The following ADAMTSL1 variants were observed in gnomAD, a reference collection of about 807,000 sequenced individuals.
ADAMTSL1 encodes the protein ADAMTS like 1.
Under a neutral mutation model 201.8 loss-of-function variants are expected in ADAMTSL1, and 126 were observed. The observed-to-expected ratio is 0.62, with a 90% CI of 0.54 to 0.72. The LOEUF is 0.72. ADAMTSL1 is among the 30% of genes least tolerant of loss of function. The pLI is 0.00. For missense variants in ADAMTSL1, 2,679 were observed against 2,277.8 expected (o/e 1.18, Z -3.59); for synonymous variants, 1,121 against 903.4 (o/e 1.24, Z -4.32).
intron 2 of ADAMTSL1, among the ~76,000 whole-genome samples, chr9:18,331,409 C>T (rs1292046180): frequency 6.6e-6 from 1 of 152,198 alleles, no homozygotes; most frequent in Non-Finnish European, 1.5e-5. Flanking sequence ...AGATACCACA[C>T]ATCAAATTGT....
At chr9:18,285,532 C>G (rs1832959195) in intron 2 of ADAMTSL1, among the ~76,000 whole-genome samples, 2 of 151,980 alleles carry the variant, frequency 1.3e-5, no homozygotes, top group Admixed American at 6.6e-5. Context: ...CAATTATTAG[C>G]TATTTATACT....
At chr9:18,217,364 G>C (rs1830091708) in intron 2 of ADAMTSL1, among the ~76,000 whole-genome samples, 1 of 152,008 alleles carries the variant, frequency 6.6e-6, no homozygotes, top group Non-Finnish European at 1.5e-5. Context: ...TTCCCATCTT[G>C]GGTGCTTTCA....
chr9:18,738,830 T>C (rs1017288291), intron 15 of ADAMTSL1, among the ~76,000 whole-genome samples: 3 of 152,156 alleles, frequency 2.0e-5, no homozygotes, highest in Admixed American at 2.0e-4. Context: ...AAAAAGGAAC[T>C]CCAAAGACCA....
chr9:18,398,026 G>A (rs1817821956), intron 2 of ADAMTSL1, among the ~76,000 whole-genome samples: 1 of 152,210 alleles, frequency 6.6e-6, no homozygotes, highest in African/African-American at 2.4e-5. Flanking sequence ...TGTACATCAA[G>A]ATGTAATTGT....
At chr9:18,536,186 A>G (rs1819762237) in intron 3 of ADAMTSL1, among the ~76,000 whole-genome samples, 1 of 152,170 alleles carries the variant, frequency 6.6e-6, no homozygotes, top group Non-Finnish European at 1.5e-5. Context: ...CCAGTTTTTC[A>G]AATTTGGAAG....
intron 3 of ADAMTSL1, among the ~76,000 whole-genome samples, chr9:18,571,939 T>G (rs1048838062): frequency 3.3e-4 from 50 of 152,150 alleles, no homozygotes; most frequent in African/African-American, 1.1e-3. Context: ...ATGCCTATAA[T>G]CCCAGCACTT....
intron 2 of ADAMTSL1, among the ~76,000 whole-genome samples, chr9:18,517,403 TTTC>T (rs1446753254): frequency 2.0e-5 from 3 of 150,990 alleles, no homozygotes; most frequent in Non-Finnish European, 4.4e-5. Flanking sequence ...TTTTCATCTT[TTTC>T]TTTTTTTTTA....
chr9:18,277,513 A>T (rs904535656), intron 2 of ADAMTSL1, among the ~76,000 whole-genome samples: 1 of 152,142 alleles, frequency 6.6e-6, no homozygotes, highest in African/African-American at 2.4e-5. Flanking sequence ...TGACTTCTTT[A>T]TCATTATATA....
At chr9:18,618,372 T>C (rs1465415440) in intron 4 of ADAMTSL1, among the ~76,000 whole-genome samples, 1 of 152,096 alleles carries the variant, frequency 6.6e-6, no homozygotes, top group Non-Finnish European at 1.5e-5. Flanking sequence ...TTCAGCAGCG[T>C]TTATTGTGCA....
Position 18,777,260 on chromosome 9 carries a change from C to T in ADAMTSL1, c.3031C>T (p.Arg1011Trp), listed in dbSNP as rs1821087341. The T allele has an allele frequency of 3.1e-6, 5 of 1,610,754 alleles. No homozygotes were observed. Among genetic ancestry groups the T allele is most frequent in the African/African-American group, 1.3e-5 (1 of 74,918 alleles). Residue 1011 changes from arginine (R) to tryptophan (W), a missense_variant, in exon 19 of 29, where the codon CGG (arginine) becomes TGG (tryptophan). Physicochemically the swap from Arg to Trp is moderately radical, Grantham distance 101. Coordinates refer to ENST00000380548, the MANE Select transcript of ADAMTSL1 (RefSeq NM_001040272.6). ...IFSNGSKAEK[R>W]GLAANPGSRY... ...CTCCAACGGCAGCAAGGCGGAGAAG[C>T]GGGGCCTGGCCGCCAACCCGGGGAG...
intron 4 of ADAMTSL1, among the ~76,000 whole-genome samples, chr9:18,579,671 G>T (rs1462541756): frequency 6.6e-6 from 1 of 152,070 alleles, no homozygotes; most frequent in Non-Finnish European, 1.5e-5. Context: ...CCCAATGAAT[G>T]AGCAGACCTT....
chr9:18,639,775 C>G (rs1018596410), intron 7 of ADAMTSL1, among the ~76,000 whole-genome samples: 5 of 152,184 alleles, frequency 3.3e-5, no homozygotes, highest in Admixed American at 3.3e-4. Flanking sequence ...GAAAAACAAA[C>G]TAATTATCCA....
At chr9:18,123,287 A>G (rs573710268) in intron 1 of ADAMTSL1, among the ~76,000 whole-genome samples, 101 of 152,308 alleles carry the variant, frequency 6.6e-4, no homozygotes, top group African/African-American at 2.4e-3. Context: ...GCTGAAAATC[A>G]TGTTATGTAC....
chr9:18,532,899 A>G (rs1053442692), intron 2 of ADAMTSL1, among the ~76,000 whole-genome samples: 3 of 151,958 alleles, frequency 2.0e-5, no homozygotes, highest in Non-Finnish European at 2.9e-5. Flanking sequence ...AGTGAAATAT[A>G]TCTTCAATTT....
At chr9:18,498,537 C>G (rs1421447461) in intron 1 of ADAMTSL1, among the ~76,000 whole-genome samples, 1 of 152,052 alleles carries the variant, frequency 6.6e-6, no homozygotes. Flanking sequence ...GGGGTTTAAC[C>G]ATGTTGGTCA....
At chr9:18,422,544 G>C (rs1819005751) in intron 2 of ADAMTSL1, among the ~76,000 whole-genome samples, 2 of 152,074 alleles carry the variant, frequency 1.3e-5, no homozygotes, top group South Asian at 4.1e-4. Context: ...CAGACAACAG[G>C]CTCCGCTACT....
At chr9:18,043,304 T>A (rs962274076) in intron 1 of ADAMTSL1, among the ~76,000 whole-genome samples, 3 of 152,142 alleles carry the variant, frequency 2.0e-5, no homozygotes, top group African/African-American at 7.2e-5. Context: ...AGGAAGCTGC[T>A]GCACTTTGGT....
chr9:18,029,398 G>A (rs941183016), intron 1 of ADAMTSL1, among the ~76,000 whole-genome samples: 32 of 152,036 alleles, frequency 2.1e-4, no homozygotes, highest in South Asian at 2.1e-4. Context: ...AAATTAATTC[G>A]AAATGGATTA....
At chr9:18,143,399 G>A (rs186768099) in intron 1 of ADAMTSL1, among the ~76,000 whole-genome samples, 64 of 152,318 alleles carry the variant, frequency 4.2e-4, no homozygotes, top group African/African-American at 1.5e-3. Context: ...CCCACAGTCA[G>A]TAACTTCCAC....
Sources: gnomAD v4.1 joint callset for allele counts (sites outside exome capture counted in the v4.1 genomes callset) on GRCh38, gnomAD v4.1.1 for gene constraint, MANE v1.5 for transcripts, NCBI Gene and HGNC (gene_info 2026-07-23, HGNC 2026-07-21) for gene names.